Variants in IARS2 observed in about 807,000 individuals in gnomAD.
IARS2 encodes isoleucine--tRNA ligase, mitochondrial.
A neutral mutation model predicts 126.3 loss-of-function variants in IARS2; 56 were observed. That is an observed-to-expected ratio of 0.44 (90% CI 0.36 to 0.55). The LOEUF is 0.55. IARS2 is among the 20% of genes least tolerant of loss of function. The pLI, the probability that IARS2 is intolerant of heterozygous loss-of-function variation, is 0.00. For synonymous variants in IARS2, 407 were observed against 441.1 expected (o/e 0.92, Z 0.97); for missense variants, 1,127 against 1,245.9 (o/e 0.90, Z 1.44).
chr1:220,107,906 T>TA lies in IARS2; in HGVS notation c.1327+756dup, dbSNP rs1177308206. On this transcript the variant is annotated intron_variant, in intron 10 of 22. Transcript: ENST00000366922. ...TTGTCACATGGCCTTCTTTAGATCTTACTTGTTTTTTCGAGACAATCTCAC... is the reference window on the plus strand; with the variant it reads ...TTGTCACATGGCCTTCTTTAGATCTTAACTTGTTTTTTCGAGACAATCTCAC... 2.6e-5 allele frequency among the ~76,000 whole-genome samples: 4 copies of TA among 152,288 alleles called. No individual in the cohort carries two copies. In the East Asian group the frequency reaches 7.7e-4, roughly 29 times the overall value.
Position 220,094,289 on chromosome 1 carries a change from C to G in IARS2, c.73C>G (p.Pro25Ala). ...CACTGCCCGAAGTTTGTGGGGGACG[C>G]CCCGCCTTCCCTGCAGCCCGGGATG... is the stretch of plus-strand genomic sequence containing the variant. The part of the protein sequence containing the change: ...LATARSLWGT[P>A]RLPCSPGWQG... The change falls in exon 1 of 23, where the codon CCC becomes GCC. Residue 25 changes from proline to alanine, a missense_variant. Pro to Ala is a conservative substitution (Grantham distance 27). Transcript: ENST00000366922. 6.2e-7 allele frequency: 1 copy of G among 1,611,152 alleles called. No homozygotes were observed. The highest frequency in any genetic ancestry group is 8.5e-7 in the Non-Finnish European group (1 of 1,178,928).
At chr1:220,140,540 C>T (rs1225048742) in intron 19 of IARS2, among the ~76,000 whole-genome samples, 1 of 152,182 alleles carries the variant, frequency 6.6e-6, no homozygotes, top group Non-Finnish European at 1.5e-5. Context: ...GATTGTGCTG[C>T]TGCACTCCAG....
chr1:220,139,176 T>C, intron 18 of IARS2, 37 bp downstream of exon 18: 1 of 1,563,600 alleles, frequency 6.4e-7, no homozygotes, highest in South Asian at 1.2e-5. Flanking sequence ...AAACTAGAAA[T>C]ATCAGCACTA....
rs1657636474 is a variant in IARS2 at position 220,147,790 on chromosome 1, G to T, written c.*155G>T. 3 of 652,012 alleles carry T rather than the reference G, an allele frequency of 4.6e-6. No homozygotes were observed. Among genetic ancestry groups the T allele is most frequent in the Non-Finnish European group, 5.2e-6 (2 of 384,352 alleles). 40.4% of individuals were successfully genotyped at this position (652,012 alleles called of 1,614,324 possible). A position where few individuals can be genotyped will look rare whatever the true frequency, so the allele number is the denominator to read the frequency against. Reference sequence around the variant, plus strand: ...AGTCAAAATCAGAATTATAGAAGAAGTATTTCCTGTAACTATAGAAAGAAT... The same window carrying T: ...AGTCAAAATCAGAATTATAGAAGAATTATTTCCTGTAACTATAGAAAGAAT... On this transcript the variant is annotated 3_prime_UTR_variant, in exon 23 of 23. Transcript: ENST00000366922.
intron 19 of IARS2, among the ~76,000 whole-genome samples, chr1:220,140,587 A>C (rs1389214459): frequency 6.6e-6 from 1 of 151,934 alleles, no homozygotes. Context: ...TCAAAAAATA[A>C]CAACAACAAA....
At position 220,112,977 on chromosome 1, in the gene IARS2, C is replaced by T. The variant is rs139938910; in HGVS notation, c.1480-1337C>T. ...CTCCTGGGTTCAAGCAATTCCCTGCCTAAGCCTTCTGATTAGCTGGAATTA... is the reference window on the plus strand; with the variant it reads ...CTCCTGGGTTCAAGCAATTCCCTGCTTAAGCCTTCTGATTAGCTGGAATTA... On this transcript the variant is annotated intron_variant, in intron 11 of 22. Coordinates refer to ENST00000366922, the MANE Select transcript of IARS2 (RefSeq NM_018060.4). 3.1e-4 allele frequency among the ~76,000 whole-genome samples: 47 copies of T among 152,272 alleles called. 1 individual carries two copies. The East Asian group carries it at 9.1e-3, about 29-fold the overall frequency.
chr1:220,139,183 A>C, intron 18 of IARS2, 44 bp downstream of exon 18: 2 of 1,539,084 alleles, frequency 1.3e-6, no homozygotes, highest in Non-Finnish European at 1.8e-6. Flanking sequence ...AAATATCAGC[A>C]CTATTGTAGG....
chr1:220,112,228 G>A (rs1656819786), intron 11 of IARS2, among the ~76,000 whole-genome samples: 2 of 68,998 alleles, frequency 2.9e-5, no homozygotes, highest in African/African-American at 6.5e-5. Context: ...TCCGCTTCCC[G>A]GGTTCACGCC....
chr1:220,094,412 C>T lies in IARS2; in HGVS notation c.196C>T (p.Leu66=). 6.2e-7 allele frequency: 1 copy of T among 1,611,742 alleles called. No homozygotes were observed. The highest frequency in any genetic ancestry group is 8.5e-7 in the Non-Finnish European group (1 of 1,179,474). ...NSGRYRDTVL[L]PQTSFPMKLL... The stretch of plus-strand genomic sequence containing the variant: ...TGGCAGATACCGGGACACGGTGCTG[C>T]TGCCGCAGACGAGCTTCCCCATGAA... The change falls in exon 1 of 23, where the codon CTG becomes TTG. Residue 66 remains leucine, a synonymous_variant. Coordinates refer to ENST00000366922, the MANE Select transcript of IARS2 (RefSeq NM_018060.4).
At chr1:220,136,351 C>T (rs964060984) in intron 15 of IARS2, among the ~76,000 whole-genome samples, 2 of 152,154 alleles carry the variant, frequency 1.3e-5, no homozygotes, top group Non-Finnish European at 2.9e-5. Flanking sequence ...AGGCTGGCCT[C>T]GAGCTCCTGG....
Position 220,103,498 on chromosome 1 carries a change from A to G in IARS2, c.1002A>G (p.Ala334=). 1 of 1,613,628 alleles carries G rather than the reference A, an allele frequency of 6.2e-7. No homozygotes were observed. The highest frequency in any genetic ancestry group is 8.5e-7 in the Non-Finnish European group (1 of 1,179,594). Residue 334 remains alanine, a synonymous_variant, in exon 8 of 23, where the codon GCA becomes GCG. Coordinates refer to ENST00000366922, the MANE Select transcript of IARS2 (RefSeq NM_018060.4). ...CTGGAGACCTCTACGTACTGGCGGC[A>G]GATAAAGTAGCATCTGTTGCTTCTA... ...SKSGDLYVLA[A]DKVASVASTL... is the part of the protein sequence containing the mutation.
At chr1:220,124,228 G>A (rs1041808039) in intron 12 of IARS2, among the ~76,000 whole-genome samples, 2 of 152,176 alleles carry the variant, frequency 1.3e-5, no homozygotes, top group Non-Finnish European at 2.9e-5. Context: ...TTTTATTTTT[G>A]TGAGAAACTA....
At chr1:220,099,508 C>T (rs1656521328) in intron 2 of IARS2, among the ~76,000 whole-genome samples, 1 of 152,050 alleles carries the variant, frequency 6.6e-6, no homozygotes, top group African/African-American at 2.4e-5. Flanking sequence ...TGGCCAGTGG[C>T]TACTATATAA....
At chr1:220,136,288 T>C (rs1657374073) in intron 15 of IARS2, among the ~76,000 whole-genome samples, 1 of 152,126 alleles carries the variant, frequency 6.6e-6, no homozygotes, top group Non-Finnish European at 1.5e-5. Context: ...CACACCACTA[T>C]ACCCAGCTAA....
intron 21 of IARS2, chr1:220,144,192 A>G: frequency 1.3e-6 from 1 of 785,932 alleles, no homozygotes; most frequent in African/African-American, 1.7e-5. Context: ...TGTGACCATC[A>G]GTGATTTCAA....
At chr1:220,128,467 T>G (rs1318379617) in intron 14 of IARS2, among the ~76,000 whole-genome samples, 1 of 152,048 alleles carries the variant, frequency 6.6e-6, no homozygotes, top group African/African-American at 2.4e-5. Flanking sequence ...AGGTGTAGAG[T>G]AGGCTCTCCC....
chr1:220,100,903 T>A (rs1343756576), intron 3 of IARS2, among the ~76,000 whole-genome samples: 2 of 152,224 alleles, frequency 1.3e-5, no homozygotes, highest in African/African-American at 2.4e-5. Flanking sequence ...GTTCATATTT[T>A]AAAAAACTAT....
Position 220,096,232 on chromosome 1 carries a change from T to C in IARS2, c.390+6T>C. ...TTGGACATGCTTTAAATAAGGTAACTATAATTTAGGTTATGACACTTGAAA... is the reference window on the plus strand; with the variant it reads ...TTGGACATGCTTTAAATAAGGTAACCATAATTTAGGTTATGACACTTGAAA... On this transcript the variant is annotated splice_donor_region_variant and intron_variant, in intron 2 of 22. Transcript: ENST00000366922. The C allele has an allele frequency of 1.3e-6, 2 of 1,558,884 alleles. No individual in the cohort carries two copies. Among genetic ancestry groups the C allele is most frequent in the Non-Finnish European group, 1.7e-6 (2 of 1,153,644 alleles).
At chr1:220,111,598 A>ATATATATATATG (rs374024744) in intron 11 of IARS2, among the ~76,000 whole-genome samples, 3 of 134,838 alleles carry the variant, frequency 2.2e-5, no homozygotes, top group Non-Finnish European at 3.2e-5. Context: ...ATATATATAT[A>ATATATATATATG]TGTGTGTGTG....
Sources: gnomAD v4.1 joint callset for allele counts (sites outside exome capture counted in the v4.1 genomes callset) on GRCh38, gnomAD v4.1.1 for gene constraint, MANE v1.5 for transcripts, NCBI Gene and HGNC (gene_info 2026-07-23, HGNC 2026-07-21) for gene names.